L3MBTL3: variants seen among roughly 807,000 people sequenced by gnomAD.
L3MBTL3 encodes L3MBTL histone methyl-lysine binding protein 3, also known as lethal(3)malignant brain tumor-like protein 3.
In L3MBTL3, 27 loss-of-function variants were observed where a neutral mutation model predicts 102.3. That is an observed-to-expected ratio of 0.26 (90% CI 0.19 to 0.36). L3MBTL3 has a LOEUF of 0.36. L3MBTL3 is among the 10% of genes least tolerant of loss of function. L3MBTL3 has a pLI of 1.00. For missense variants in L3MBTL3, 798 were observed against 955.3 expected (o/e 0.84, Z 2.17); for synonymous variants, 340 against 320.9 (o/e 1.06, Z -0.64).
chr6:130,048,967 C>CACACACACACATACACACACAT (rs71678245), intron 3 of L3MBTL3, among the ~76,000 whole-genome samples: 1 of 150,454 alleles, frequency 6.6e-6, no homozygotes, highest in Admixed American at 6.6e-5. Flanking sequence ...CACACACACA[C>CACACACACACATACACACACAT]ACATACACAC....
At chr6:130,116,110 T>G (rs1785657251) in intron 19 of L3MBTL3, among the ~76,000 whole-genome samples, 1 of 152,106 alleles carries the variant, frequency 6.6e-6, no homozygotes, top group Non-Finnish European at 1.5e-5. Flanking sequence ...AAAAGCTATT[T>G]TAATAGTTGA....
intron 8 of L3MBTL3, among the ~76,000 whole-genome samples, chr6:130,056,446 C>T (rs979602167): frequency 6.6e-6 from 1 of 152,166 alleles, no homozygotes; most frequent in East Asian, 1.9e-4. Flanking sequence ...TCATACTGTC[C>T]CGACAAACCA....
At chr6:130,039,134 A>G (rs1014384970) in intron 2 of L3MBTL3, among the ~76,000 whole-genome samples, 6 of 152,180 alleles carry the variant, frequency 3.9e-5, no homozygotes, top group Admixed American at 6.5e-5. Flanking sequence ...AGAATAAACT[A>G]TCATGGACCC....
intron 3 of L3MBTL3, among the ~76,000 whole-genome samples, chr6:130,047,530 G>A (rs1221226321): frequency 6.6e-6 from 1 of 152,146 alleles, no homozygotes; most frequent in Non-Finnish European, 1.5e-5. Flanking sequence ...TAAGCCATGG[G>A]AGACTTTCTG....
intron 22 of L3MBTL3, among the ~76,000 whole-genome samples, chr6:130,136,430 G>A (rs1787668721): frequency 6.6e-6 from 1 of 151,990 alleles, no homozygotes; most frequent in Non-Finnish European, 1.5e-5. Flanking sequence ...GCTTGCTCCC[G>A]CTCCTCCTTC....
At chr6:130,018,833 G>C (rs980097741) in intron 1 of L3MBTL3, among the ~76,000 whole-genome samples, 169 bp downstream of exon 1, 1 of 152,102 alleles carries the variant, frequency 6.6e-6, no homozygotes, top group Non-Finnish European at 1.5e-5. Flanking sequence ...GACAGAAGGG[G>C]TTTCTCCCCC....
intron 12 of L3MBTL3, among the ~76,000 whole-genome samples, chr6:130,069,533 C>A (rs1178713090): frequency 1.3e-5 from 2 of 152,134 alleles, no homozygotes; most frequent in East Asian, 3.8e-4. Flanking sequence ...AATGGGCCAG[C>A]TTATTATTTT....
At chr6:130,047,261 C>T (rs1459291142) in intron 3 of L3MBTL3, among the ~76,000 whole-genome samples, 1 of 152,070 alleles carries the variant, frequency 6.6e-6, no homozygotes, top group Non-Finnish European at 1.5e-5. Flanking sequence ...TGAACTGTGC[C>T]CCGAAGTGAC....
chr6:130,116,104 G>T (rs142575877), intron 19 of L3MBTL3, among the ~76,000 whole-genome samples: 232 of 152,208 alleles, frequency 1.5e-3, no homozygotes, highest in African/African-American at 5.5e-3. Context: ...TACTCTAAAA[G>T]CTATTTTAAT....
intron 2 of L3MBTL3, among the ~76,000 whole-genome samples, chr6:130,028,296 T>A (rs1280781036): frequency 2.0e-4 from 31 of 152,164 alleles, no homozygotes; most frequent in Non-Finnish European, 2.9e-5. Context: ...ATTGCAACAT[T>A]ATAAATAGGA....
intron 3 of L3MBTL3, among the ~76,000 whole-genome samples, chr6:130,046,599 T>C (rs1163174964): frequency 6.6e-6 from 1 of 152,224 alleles, no homozygotes; most frequent in East Asian, 1.9e-4. Context: ...TTGACCTGGA[T>C]ATATCCACAT....
At chr6:130,027,783 T>C (rs768843189) in intron 2 of L3MBTL3, among the ~76,000 whole-genome samples, 30 of 152,226 alleles carry the variant, frequency 2.0e-4, no homozygotes, top group Non-Finnish European at 3.1e-4. Context: ...TTTTAGTTTT[T>C]CTTTTAAAAT....
intron 2 of L3MBTL3, among the ~76,000 whole-genome samples, chr6:130,029,674 C>T (rs1288785570): frequency 6.6e-6 from 1 of 152,126 alleles, no homozygotes; most frequent in Non-Finnish European, 1.5e-5. Flanking sequence ...CATCTCTGGA[C>T]TCCTGAGAAA....
chr6:130,056,617 G>C (rs1390055229), intron 8 of L3MBTL3, among the ~76,000 whole-genome samples: 1 of 152,172 alleles, frequency 6.6e-6, no homozygotes, highest in Non-Finnish European at 1.5e-5. Flanking sequence ...CTGAGATGAA[G>C]GGTGTAAATT....
At chr6:130,084,367 T>A (rs1244045542) in intron 15 of L3MBTL3, among the ~76,000 whole-genome samples, 1 of 152,136 alleles carries the variant, frequency 6.6e-6, no homozygotes, top group Non-Finnish European at 1.5e-5. Context: ...AATATTTATT[T>A]TTTTAAATGT....
chr6:130,049,620 T>A (rs1218419694), intron 4 of L3MBTL3, 136 bp from the exon 5 acceptor site: 1 of 975,342 alleles, frequency 1.0e-6, no homozygotes, highest in Non-Finnish European at 1.6e-6. Context: ...AGCACAAGGT[T>A]AGTTGGAAAT....
chr6:130,118,405 C>T (rs1262655953), intron 19 of L3MBTL3, among the ~76,000 whole-genome samples: 2 of 152,086 alleles, frequency 1.3e-5, no homozygotes, highest in Non-Finnish European at 2.9e-5. Flanking sequence ...TAACTGTTTC[C>T]ACATGTCTGG....
At chr6:130,024,463 G>A (rs563569355) in intron 2 of L3MBTL3, among the ~76,000 whole-genome samples, 1 of 152,238 alleles carries the variant, frequency 6.6e-6, no homozygotes. Flanking sequence ...CAATAGGAGT[G>A]GAAAAAAGAA....
At chr6:130,019,994 C>T (rs1584257039) in intron 1 of L3MBTL3, among the ~76,000 whole-genome samples, 1 of 79,678 alleles carries the variant, frequency 1.3e-5, no homozygotes. Flanking sequence ...GCGGCGGTCG[C>T]GGCGGCGGCG....
Sources: allele counts gnomAD v4.1 joint callset (sites outside exome capture counted in the v4.1 genomes callset), GRCh38; gene constraint gnomAD v4.1.1; transcripts MANE v1.5; gene names NCBI Gene and HGNC (gene_info 2026-07-23, HGNC 2026-07-21).